CEP112: variants seen among roughly 807,000 people sequenced by gnomAD.
CEP112 encodes the protein centrosomal protein 112.
In CEP112, 127 loss-of-function variants were observed where a neutral mutation model predicts 153.0. That is an observed-to-expected ratio of 0.83 (90% CI 0.72 to 0.96). CEP112 has a LOEUF of 0.96. CEP112 is among the 40% of genes least tolerant of loss of function. The pLI, the probability that CEP112 is intolerant of heterozygous loss-of-function variation, is 0.00. For missense variants in CEP112, 1,089 were observed against 1,101.2 expected (o/e 0.99, Z 0.16); for synonymous variants, 358 against 374.4 (o/e 0.96, Z 0.51).
At chr17:65,857,386 A>T (rs2058159334) in intron 20 of CEP112, among the ~76,000 whole-genome samples, 1 of 152,192 alleles carries the variant, frequency 6.6e-6, no homozygotes, top group Non-Finnish European at 1.5e-5. Flanking sequence ...AGGGTTAATG[A>T]TCATCTAAGC....
chr17:66,160,993 GA>G (rs946178698), intron 4 of CEP112, among the ~76,000 whole-genome samples: 19 of 145,040 alleles, frequency 1.3e-4, no homozygotes, highest in Admixed American at 2.8e-4. Flanking sequence ...AAATTTACAA[GA>G]AAAAAAAAAC....
chr17:65,790,898 T>A (rs1304245168), intron 21 of CEP112, among the ~76,000 whole-genome samples: 1 of 152,156 alleles, frequency 6.6e-6, no homozygotes, highest in African/African-American at 2.4e-5. Flanking sequence ...AAACCTTCCA[T>A]CTTAGTCTAA....
At chr17:65,871,035 C>G (rs761379260) in intron 20 of CEP112, among the ~76,000 whole-genome samples, 4 of 152,176 alleles carry the variant, frequency 2.6e-5, no homozygotes, top group Non-Finnish European at 4.4e-5. Flanking sequence ...AACCACCCAC[C>G]CACATTTTAT....
At chr17:66,125,128 G>A (rs1377648126) in intron 6 of CEP112, among the ~76,000 whole-genome samples, 1 of 152,116 alleles carries the variant, frequency 6.6e-6, no homozygotes, top group Non-Finnish European at 1.5e-5. Flanking sequence ...CTACCATTTT[G>A]AGTAGATACT....
intron 20 of CEP112, among the ~76,000 whole-genome samples, chr17:65,883,014 G>A (rs2059141431): frequency 6.6e-6 from 1 of 152,130 alleles, no homozygotes; most frequent in African/African-American, 2.4e-5. Context: ...GTTTGCTGAG[G>A]TCACAGTCTG....
chr17:65,920,362 A>ACAAAAAAAAAAAAAAAATATATATAT (rs1230889770), intron 19 of CEP112, among the ~76,000 whole-genome samples: 1 of 42,784 alleles, frequency 2.3e-5, no homozygotes, highest in African/African-American at 8.6e-5. Context: ...AAACAAACAA[A>ACAAAAAAAAAAAAAAAATATATATAT]ATATATATAT....
intron 6 of CEP112, among the ~76,000 whole-genome samples, chr17:66,104,150 C>T (rs949192125): frequency 6.6e-6 from 1 of 152,136 alleles, no homozygotes; most frequent in Non-Finnish European, 1.5e-5. Context: ...GAGACACCAG[C>T]CAGGGTAGCC....
chr17:65,915,791 A>C (rs2060457030), intron 19 of CEP112, among the ~76,000 whole-genome samples: 1 of 150,808 alleles, frequency 6.6e-6, no homozygotes, highest in South Asian at 2.1e-4. Flanking sequence ...CAAACTCAAA[A>C]AAAAAAAAAA....
intron 22 of CEP112, among the ~76,000 whole-genome samples, chr17:65,744,344 C>G (rs1222856456): frequency 6.6e-6 from 1 of 152,128 alleles, no homozygotes; most frequent in African/African-American, 2.4e-5. Flanking sequence ...ACCTCCACCT[C>G]CCGGGTTCAA....
At chr17:66,138,666 T>C (rs574636344) in intron 4 of CEP112, among the ~76,000 whole-genome samples, 2 of 152,180 alleles carry the variant, frequency 1.3e-5, no homozygotes, top group East Asian at 3.9e-4. Context: ...GTAAGCCTTA[T>C]GGTAACACAA....
intron 24 of CEP112, among the ~76,000 whole-genome samples, chr17:65,670,036 C>T (rs1350767298): frequency 2.0e-5 from 3 of 152,036 alleles, no homozygotes; most frequent in Admixed American, 1.3e-4. Flanking sequence ...ATCTTACAGT[C>T]GAAGGCTAAT....
chr17:65,876,001 TCC>T (rs1376123042), intron 20 of CEP112, among the ~76,000 whole-genome samples: 1 of 152,170 alleles, frequency 6.6e-6, no homozygotes, highest in African/African-American at 2.4e-5. Context: ...TTCTTCTTTC[TCC>T]CTTGCATTTT....
chr17:65,815,692 T>C lies in CEP112; in HGVS notation c.2394+36112A>G, dbSNP rs187710471. Among the ~76,000 whole-genome samples the C allele has an allele frequency of 1.6e-3, 244 of 152,222 alleles. 1 individual carries two copies. The highest frequency in any genetic ancestry group is 5.5e-3 in the African/African-American group (227 of 41,570). ...ACTTTATGCCACAAAAGTTTAGTTG[T>C]CAGCACACAGATCTTGGATATATCC... On this transcript the variant is annotated intron_variant, in intron 21 of 26. Coordinates refer to ENST00000535342, the MANE Select transcript of CEP112 (RefSeq NM_001199165.4).
At chr17:66,084,639 G>C (rs1420751261) in intron 8 of CEP112, among the ~76,000 whole-genome samples, 1 of 152,114 alleles carries the variant, frequency 6.6e-6, no homozygotes, top group Admixed American at 6.5e-5. Flanking sequence ...GAGATAGAGA[G>C]TAGAATGATG....
At chr17:66,031,491 T>TC (rs779277653) in intron 12 of CEP112, among the ~76,000 whole-genome samples, 1 of 80,854 alleles carries the variant, frequency 1.2e-5, no homozygotes, top group African/African-American at 3.6e-5. Context: ...TTTTTGTTTT[T>TC]TTTTTTTTTT....
rs563278815 is a variant in CEP112 at position 65,800,535 on chromosome 17, A to T, written c.2395-49811T>A. ...GTGACTGGGAATTTGGGTTGCTTATACTTTTTGGCTATTTATGAATCATGC... is the reference window on the plus strand; with the variant it reads ...GTGACTGGGAATTTGGGTTGCTTATTCTTTTTGGCTATTTATGAATCATGC... On this transcript the variant is annotated intron_variant, in intron 21 of 26. Coordinates refer to ENST00000535342, the MANE Select transcript of CEP112 (RefSeq NM_001199165.4). 4.6e-5 allele frequency among the ~76,000 whole-genome samples: 7 copies of T among 152,284 alleles called. No individual in the cohort carries two copies. The South Asian group carries it at 1.2e-3, about 27-fold the overall frequency.
Position 66,066,878 on chromosome 17 carries a change from C to T in CEP112, c.856-1G>A. On this transcript the variant is annotated splice_acceptor_variant, in intron 9 of 26. Transcript: ENST00000535342. LOFTEE classifies it high-confidence loss of function. ...TTTCATTATTCTTTCTTTCTAAAAT[C>T]TGCAAATAAATTTAAAATATTTCAG... is the stretch of plus-strand genomic sequence containing the variant. 6.6e-7 allele frequency: 1 copy of T among 1,512,772 alleles called. No homozygotes were observed. Among genetic ancestry groups the T allele is most frequent in the Non-Finnish European group, 8.9e-7 (1 of 1,128,486 alleles). The allele number at this position is 1,512,772 out of a possible 1,614,324, so 93.7% of individuals were successfully genotyped here.
intron 23 of CEP112, among the ~76,000 whole-genome samples, chr17:65,705,501 T>C (rs2048869031): frequency 6.6e-6 from 1 of 152,170 alleles, no homozygotes. Flanking sequence ...ACTTACATTA[T>C]CATAGAAAGT....
Position 65,902,465 on chromosome 17 carries a change from C to T in CEP112, c.1981-131G>A. On this transcript the variant is annotated intron_variant, in intron 19 of 26. Transcript: ENST00000535342. ...TATTTTTACATCATTATTACCTCACCCTCGAAATACTCTCATTTGTTGGGG... is the reference window on the plus strand; with the variant it reads ...TATTTTTACATCATTATTACCTCACTCTCGAAATACTCTCATTTGTTGGGG... The T allele has an allele frequency of 6.9e-6, 4 of 575,940 alleles. No homozygotes were observed. The South Asian group carries it at 1.4e-4, about 20-fold the overall frequency. The allele number at this position is 575,940 out of a possible 1,614,324, so 35.7% of individuals were successfully genotyped here. A position where few individuals can be genotyped will look rare whatever the true frequency, so the allele number is the denominator to read the frequency against.
Sources: allele counts gnomAD v4.1 joint callset (sites outside exome capture counted in the v4.1 genomes callset), GRCh38; gene constraint gnomAD v4.1.1; transcripts MANE v1.5; gene names NCBI Gene and HGNC (gene_info 2026-07-23, HGNC 2026-07-21).